The following RPA2 variants were observed in gnomAD, a reference collection of about 807,000 sequenced individuals.
RPA2 encodes the protein replication protein A2.
A neutral mutation model predicts 33.4 loss-of-function variants in RPA2; 22 were observed. The observed-to-expected ratio is 0.66, with a 90% CI of 0.47 to 0.94. The LOEUF is 0.94. Ranked by LOEUF, RPA2 falls within the 40% of genes least tolerant of loss-of-function variation. The pLI is 0.00. For missense variants in RPA2, 279 were observed against 329.9 expected (o/e 0.85, Z 1.19); for synonymous variants, 109 against 114.9 (o/e 0.95, Z 0.33).
intron 6 of RPA2, among the ~76,000 whole-genome samples, chr1:27,894,726 A>C (rs2089868459): frequency 6.6e-6 from 1 of 152,240 alleles, no homozygotes; most frequent in Non-Finnish European, 1.5e-5. Context: ...CCAATCATTC[A>C]AGCATTCACT....
At chr1:27,914,333 T>C in intron 1 of RPA2, 101 bp downstream of exon 1, 1 of 1,613,404 alleles carries the variant, frequency 6.2e-7, no homozygotes. Context: ...GCTCCCGCCC[T>C]TCCTCTCCCG....
At chr1:27,907,327 T>C in intron 2 of RPA2, 45 bp from the exon 3 acceptor site, 1 of 1,465,168 alleles carries the variant, frequency 6.8e-7, no homozygotes, top group African/African-American at 1.4e-5. Flanking sequence ...AAGTAATAAC[T>C]ACCACTCATT....
At chr1:27,897,494 T>C in intron 5 of RPA2, 139 bp downstream of exon 5, 1 of 520,358 alleles carries the variant, frequency 1.9e-6, no homozygotes, top group Non-Finnish European at 3.3e-6. Flanking sequence ...AGAAAAGTTA[T>C]TTCCTTTTGA....
At chr1:27,898,747 C>T (rs920747422) in intron 4 of RPA2, among the ~76,000 whole-genome samples, 7 of 151,836 alleles carry the variant, frequency 4.6e-5, no homozygotes, top group Non-Finnish European at 8.8e-5. Context: ...TTAGTAGAGA[C>T]GGGGTTTCCC....
chr1:27,897,244 A>G, intron 5 of RPA2, 123 bp from the exon 6 acceptor site: 1 of 679,768 alleles, frequency 1.5e-6, no homozygotes, highest in Non-Finnish European at 2.5e-6. Flanking sequence ...AATGTTATAT[A>G]CTCTCAGAGG....
intron 4 of RPA2, among the ~76,000 whole-genome samples, chr1:27,899,491 G>C (rs185412567): frequency 1.1e-4 from 13 of 121,788 alleles, no homozygotes; most frequent in African/African-American, 4.1e-4. Flanking sequence ...AACAGAGCAG[G>C]ACTCTATCTC....
intron 4 of RPA2, among the ~76,000 whole-genome samples, chr1:27,898,690 C>T (rs191314472): frequency 1.3e-5 from 2 of 151,856 alleles, no homozygotes; most frequent in South Asian, 2.1e-4. Flanking sequence ...GGACTATAGG[C>T]GCCTGCCACC....
intron 4 of RPA2, among the ~76,000 whole-genome samples, chr1:27,906,264 G>A (rs976325617): frequency 1.3e-5 from 2 of 152,002 alleles, no homozygotes; most frequent in Non-Finnish European, 2.9e-5. Context: ...CTACTTGGGA[G>A]GCTGAGGCAG....
intron 4 of RPA2, among the ~76,000 whole-genome samples, chr1:27,898,992 G>C (rs142431918): frequency 2.6e-5 from 4 of 152,060 alleles, no homozygotes; most frequent in Non-Finnish European, 4.4e-5. Flanking sequence ...AGGATCCTTC[G>C]AGCTCAGGAG....
chr1:27,902,798 ACT>A (rs1321672538), intron 4 of RPA2, among the ~76,000 whole-genome samples: 2 of 151,986 alleles, frequency 1.3e-5, no homozygotes, highest in Non-Finnish European at 2.9e-5. Context: ...CTAACTGGGC[ACT>A]CTCATGCATG....
chr1:27,899,509 A>AG (rs1380122403), intron 4 of RPA2, among the ~76,000 whole-genome samples: 8 of 138,312 alleles, frequency 5.8e-5, no homozygotes, highest in Non-Finnish European at 1.1e-4. Context: ...CTCAAAAAAA[A>AG]AAAGAAAAAA....
chr1:27,895,043 AT>A (rs2089872513), intron 6 of RPA2, among the ~76,000 whole-genome samples: 1 of 151,854 alleles, frequency 6.6e-6, no homozygotes, highest in South Asian at 2.1e-4. Context: ...CTTGAAATGT[AT>A]TCCTCCCTGG....
chr1:27,899,916 G>A lies in RPA2; in HGVS notation c.334-2209C>T, dbSNP rs181707167. On this transcript the variant is annotated intron_variant, in intron 4 of 8. Coordinates refer to ENST00000373912, the MANE Select transcript of RPA2 (RefSeq NM_002946.5). ...AGGATGGTCTCGATCTCCTGACCTC[G>A]TGATCCGCCCGCCTCGGCCTCCCAA... Among the ~76,000 whole-genome samples, 30 of 152,134 alleles carry A rather than the reference G, an allele frequency of 2.0e-4. 2 individuals are homozygous for A. In the East Asian group the frequency reaches 4.7e-3, roughly 24 times the overall value.
intron 2 of RPA2, among the ~76,000 whole-genome samples, chr1:27,911,966 C>T (rs28988899): frequency 0.014 from 2,152 of 151,800 alleles, 62 homozygotes; most frequent in African/African-American, 0.049. Flanking sequence ...TGGTGGCGGG[C>T]GCCTGTAGTC....
At chr1:27,899,535 C>T (rs961483655) in intron 4 of RPA2, among the ~76,000 whole-genome samples, 2 of 143,528 alleles carry the variant, frequency 1.4e-5, no homozygotes, top group Admixed American at 6.9e-5. Flanking sequence ...AAAAAAACCA[C>T]ACAAACAAAA....
In RPA2 at chr1:27,896,445, G is replaced by T. The variant is rs28904891; in HGVS notation, c.525+560C>A. 6.6e-5 allele frequency among the ~76,000 whole-genome samples: 10 copies of T among 152,178 alleles called. No homozygotes were observed. The East Asian group carries it at 1.9e-3, about 29-fold the overall frequency. ...GCCTCCCAAAGTGCTGAGATTTCAG[G>T]CCATGAACCACCACACCTTGCCCTG... On this transcript the variant is annotated intron_variant, in intron 6 of 8. Transcript: ENST00000373912.
Position 27,892,064 on chromosome 1 carries a change from T to C in RPA2, c.*99A>G. On this transcript the variant is annotated 3_prime_UTR_variant, in exon 9 of 9. Transcript: ENST00000373912. ...AGACATTTGATAGATGAAACCTACT[T>C]CCTAGAAGCCCCCTGGCCAGACATA... is the stretch of plus-strand genomic sequence containing the variant. The C allele has an allele frequency of 2.3e-6, 2 of 877,840 alleles. No homozygotes were observed. Among genetic ancestry groups the C allele is most frequent in the Non-Finnish European group, 3.6e-6 (2 of 553,564 alleles). 54.4% of individuals were successfully genotyped at this position (877,840 alleles called of 1,614,324 possible).
At position 27,896,591 on chromosome 1, in the gene RPA2, T is replaced by A. The variant is rs528177081; in HGVS notation, c.525+414A>T. On this transcript the variant is annotated intron_variant, in intron 6 of 8. Coordinates refer to ENST00000373912, the MANE Select transcript of RPA2 (RefSeq NM_002946.5). The stretch of plus-strand genomic sequence containing the variant: ...TTCAATATGAACCAAGAAATATAAT[T>A]TCAGGGAAAAAATAATAATACATAA... Among the ~76,000 whole-genome samples the A allele has an allele frequency of 3.3e-5, 5 of 152,266 alleles. No individual in the cohort carries two copies. The South Asian group carries it at 8.3e-4, about 25-fold the overall frequency.
At chr1:27,896,136 G>A (rs1303733181) in intron 6 of RPA2, among the ~76,000 whole-genome samples, 2 of 152,056 alleles carry the variant, frequency 1.3e-5, no homozygotes, top group Non-Finnish European at 2.9e-5. Context: ...TGCTATACTC[G>A]AATGCCGACT....
Sources: allele counts gnomAD v4.1 joint callset (sites outside exome capture counted in the v4.1 genomes callset), GRCh38; gene constraint gnomAD v4.1.1; transcripts MANE v1.5; gene names NCBI Gene and HGNC (gene_info 2026-07-23, HGNC 2026-07-21).